The following ODF2 variants were observed in gnomAD, a reference collection of about 807,000 sequenced individuals.
ODF2 encodes outer dense fiber protein 2.
In ODF2, 47 loss-of-function variants were observed where a neutral mutation model predicts 110.2. The observed-to-expected ratio is 0.43, with a 90% CI of 0.34 to 0.54. The LOEUF (loss-of-function observed/expected upper bound fraction) is 0.54, where lower values mean the gene tolerates loss of function less well. ODF2 is among the 20% of genes least tolerant of loss of function. The pLI is 0.03. For synonymous variants in ODF2, 352 were observed against 397.7 expected (o/e 0.89, Z 1.37); for missense variants, 812 against 1,054.5 (o/e 0.77, Z 3.19).
At chr9:128,466,098 C>T (rs1480855507) in intron 4 of ODF2, among the ~76,000 whole-genome samples, 1 of 151,864 alleles carries the variant, frequency 6.6e-6, no homozygotes, top group Admixed American at 6.6e-5. Context: ...AAGATCGCGC[C>T]CCTGCACTGC....
At position 128,484,074 on chromosome 9, in the gene ODF2, G is replaced by C. The variant is rs1048285154; in HGVS notation, c.1104+20G>C. The stretch of plus-strand genomic sequence containing the variant: ...ATTAAGGTACCTATTGGCCCCACAA[G>C]TGGGGAAAGAGGAGGCAAGGGCCTG... On this transcript the variant is annotated intron_variant, in intron 11 of 20. Coordinates refer to ENST00000604420, the Ensembl canonical transcript of ODF2. The C allele has an allele frequency of 4.4e-6, 7 of 1,575,428 alleles. No individual in the cohort carries two copies. The highest frequency in any genetic ancestry group is 6.1e-6 in the Non-Finnish European group (7 of 1,152,066).
chr9:128,476,602 G>C (rs762586657), intron 8 of ODF2, among the ~76,000 whole-genome samples: 11 of 149,754 alleles, frequency 7.3e-5, no homozygotes, highest in Non-Finnish European at 1.0e-4. Context: ...TTTTTTGTTT[G>C]TTTCGTTTTG....
At chr9:128,484,850 G>A (rs1213248653) in exon 12 of ODF2, 6 of 1,613,956 alleles carry the variant, frequency 3.7e-6, no homozygotes, top group East Asian at 2.2e-5. Context: ...AGAGCGAGGA[G>A]TATGCTGAGC....
chr9:128,472,964 G>A, exon 7 of ODF2: 1 of 1,614,156 alleles, frequency 6.2e-7, no homozygotes, highest in Non-Finnish European at 8.5e-7. Flanking sequence ...TGTCCAAGCT[G>A]GTGGAGGCGG....
chr9:128,495,743 A>T (rs2132282467), intron 17 of ODF2, among the ~76,000 whole-genome samples: 1 of 152,224 alleles, frequency 6.6e-6, no homozygotes, highest in South Asian at 2.1e-4. Flanking sequence ...CTGCCTTCTC[A>T]TGTCTGTCCT....
chr9:128,488,078 T>TG, intron 14 of ODF2, 53 bp downstream of exon 14: 1 of 1,606,114 alleles, frequency 6.2e-7, no homozygotes, highest in Non-Finnish European at 8.5e-7. Flanking sequence ...AGCGAGCTGA[T>TG]GAGGGGTCTT....
intron 5 of ODF2, among the ~76,000 whole-genome samples, chr9:128,470,313 G>A (rs1839660019): frequency 6.6e-6 from 1 of 151,362 alleles, no homozygotes; most frequent in Non-Finnish European, 1.5e-5. Flanking sequence ...ACCTCCTGGA[G>A]AACCTAGGGC....
chr9:128,483,808 C>T, intron 10 of ODF2, 130 bp from the exon 11 acceptor site: 1 of 721,000 alleles, frequency 1.4e-6, no homozygotes, highest in Non-Finnish European at 2.5e-6. Context: ...ATCGCTGGAG[C>T]CCAAGAGGTG....
chr9:128,488,934 G>A (rs1843967795), intron 14 of ODF2, among the ~76,000 whole-genome samples: 2 of 152,178 alleles, frequency 1.3e-5, no homozygotes, highest in Admixed American at 1.3e-4. Context: ...TTGAGCCCAG[G>A]AAGTGGAGGT....
intron 4 of ODF2, among the ~76,000 whole-genome samples, chr9:128,466,138 CAAAA>C (rs375424947): frequency 7.4e-6 from 1 of 134,258 alleles, no homozygotes; most frequent in Non-Finnish European, 1.6e-5. Flanking sequence ...GTCTCCATCT[CAAAA>C]AAAAAACAAA....
intron 10 of ODF2, among the ~76,000 whole-genome samples, chr9:128,483,649 C>T (rs938098438): frequency 6.6e-6 from 1 of 151,490 alleles, no homozygotes; most frequent in African/African-American, 2.4e-5. Context: ...CTTTGGGAGG[C>T]CGAGGCAGGT....
intron 4 of ODF2, among the ~76,000 whole-genome samples, chr9:128,465,710 C>T (rs547186307): frequency 2.0e-5 from 3 of 148,564 alleles, no homozygotes; most frequent in South Asian, 4.3e-4. Context: ...CACTGCACTC[C>T]AGCCTGGCGA....
intron 3 of ODF2, chr9:128,460,554 C>T (rs1295871305): frequency 6.2e-7 from 1 of 1,613,742 alleles, no homozygotes; most frequent in African/African-American, 1.3e-5. Context: ...TGCCAGAAGC[C>T]AACCATGAAG....
intron 3 of ODF2, 52 bp from the exon 4 acceptor site, chr9:128,460,890 C>G: frequency 6.2e-7 from 1 of 1,612,392 alleles, no homozygotes; most frequent in Non-Finnish European, 8.5e-7. Context: ...ACTAGCGTGG[C>G]ACCGTGGCCA....
In ODF2 at chr9:128,499,139, G is replaced by A; in HGVS notation, c.2301+13G>A. 1 of 1,614,032 alleles carries A rather than the reference G, an allele frequency of 6.2e-7. No homozygotes were observed. Among genetic ancestry groups the A allele is most frequent in the Non-Finnish European group, 8.5e-7 (1 of 1,179,958 alleles). ...GAGCCGTGATGATGTGAGTCAGGCT[G>A]GTGGGCCGGGCTAGGAGAGTGGGCA... On this transcript the variant is annotated intron_variant, in intron 20 of 20. Coordinates refer to ENST00000604420, the Ensembl canonical transcript of ODF2.
At chr9:128,464,892 A>G (rs1176929521) in intron 4 of ODF2, among the ~76,000 whole-genome samples, 1 of 92,218 alleles carries the variant, frequency 1.1e-5, no homozygotes, top group Non-Finnish European at 2.1e-5. Context: ...ACGGGGTTTC[A>G]CCGTTTTAGC....
chr9:128,485,415 C>CT lies in ODF2; in HGVS notation c.1342dup (p.Tyr448LeufsTer12). 1 of 1,612,488 alleles carries CT rather than the reference C, an allele frequency of 6.2e-7. No homozygotes were observed. ...CCACTCTGGAATCCTGGAGGAGCCGCTACAACCAAGTTGTAAAAGAAAAGG... is the reference window on the plus strand; with the variant it reads ...CCACTCTGGAATCCTGGAGGAGCCGCTTACAACCAAGTTGTAAAAGAAAAGG... On this transcript the variant is annotated frameshift_variant, in exon 13 of 21. Transcript: ENST00000604420. LOFTEE classifies it high-confidence loss of function. This position sits in a 1 kb window ranked among gnomAD's most constrained non-coding sequence, Gnocchi z 5.0.
In ODF2 at chr9:128,494,883, T is replaced by G; in HGVS notation, c.1911+215T>G. The G allele has an allele frequency of 6.9e-7, 1 of 1,443,286 alleles. No homozygotes were observed. Among genetic ancestry groups the G allele is most frequent in the East Asian group, 2.5e-5 (1 of 40,086 alleles). The allele number at this position is 1,443,286 out of a possible 1,614,324, so 89.4% of individuals were successfully genotyped here. A position where few individuals can be genotyped will look rare whatever the true frequency, so the allele number is the denominator to read the frequency against. The stretch of plus-strand genomic sequence containing the variant: ...GATTGTAGTTATAGGAGCCGTCACT[T>G]GCGTGGAGTCACTGGGCCCTCCTGC... On this transcript the variant is annotated intron_variant, in intron 17 of 20. Transcript: ENST00000604420. The surrounding 1 kb of genome is among the most constrained non-coding windows in gnomAD (Gnocchi z 4.6).
chr9:128,486,692 T>C (rs1013469987), intron 13 of ODF2, among the ~76,000 whole-genome samples: 2 of 151,912 alleles, frequency 1.3e-5, no homozygotes, highest in South Asian at 2.1e-4. Flanking sequence ...GGACTGGGGG[T>C]GGGGCAGGCA....
Sources: allele counts gnomAD v4.1 joint callset (sites outside exome capture counted in the v4.1 genomes callset), GRCh38; gene constraint gnomAD v4.1.1; non-coding constraint Gnocchi (gnomAD v3.1); transcripts MANE v1.5; gene names NCBI Gene and HGNC (gene_info 2026-07-23, HGNC 2026-07-21).